PTPRS: variants seen among roughly 807,000 people sequenced by gnomAD.
The protein encoded by PTPRS is protein tyrosine phosphatase receptor type S, also known as receptor-type tyrosine-protein phosphatase S.
In PTPRS, 63 loss-of-function variants were observed where a neutral mutation model predicts 215.3. That is an observed-to-expected ratio of 0.29 (90% CI 0.24 to 0.36). The LOEUF is 0.36. Among genes scored for constraint, PTPRS ranks in the 10% least tolerant of loss-of-function variants. The probability of loss-of-function intolerance (pLI) is 1.00; values close to 1 mark genes in which losing one functional copy is unlikely to be tolerated. For missense variants in PTPRS, 2,258 were observed against 2,825.8 expected (o/e 0.80, Z 4.56); for synonymous variants, 1,404 against 1,191.4 (o/e 1.18, Z -3.68).
At chr19:5,308,752 T>TAA (rs911500407) in intron 1 of PTPRS, among the ~76,000 whole-genome samples, 3 of 152,136 alleles carry the variant, frequency 2.0e-5, no homozygotes, top group African/African-American at 7.2e-5. Flanking sequence ...ATCAGAATCT[T>TAA]AAACAAAAGC....
rs917591501 is a variant in PTPRS, at chr19:5,295,140, C to T, written c.-94-8906G>A. On this transcript the variant is annotated intron_variant, in intron 1 of 37. Coordinates refer to ENST00000262963, the MANE Select transcript of PTPRS (RefSeq NM_002850.4). The surrounding 1 kb of genome is among the most constrained non-coding windows in gnomAD (Gnocchi z 4.6). ...CTCGAGTTTGAATCCAGGGATGCCCCGTGTGTCAAGAAAGCACCCGTACCT... is the reference window on the plus strand; with the variant it reads ...CTCGAGTTTGAATCCAGGGATGCCCTGTGTGTCAAGAAAGCACCCGTACCT... 5.3e-5 allele frequency among the ~76,000 whole-genome samples: 8 copies of T among 152,192 alleles called. No homozygotes were observed. The highest frequency in any genetic ancestry group is 1.3e-4 in the Admixed American group (2 of 15,288).
intron 1 of PTPRS, among the ~76,000 whole-genome samples, chr19:5,331,730 T>A (rs1400831540): frequency 6.6e-6 from 1 of 152,168 alleles, no homozygotes; most frequent in Admixed American, 6.5e-5. Context: ...GAACGAGGGA[T>A]GGAGAAGCAG....
At chr19:5,241,471 A>G (rs544261724) in intron 11 of PTPRS, among the ~76,000 whole-genome samples, 3 of 150,722 alleles carry the variant, frequency 2.0e-5, no homozygotes, top group Non-Finnish European at 3.0e-5. Context: ...TTTTGTACAC[A>G]TGAGGTCTTG....
rs369347670 is a variant in PTPRS at position 5,271,691 on chromosome 19, C to T, written c.379+1751G>A. Among the ~76,000 whole-genome samples the T allele has an allele frequency of 3.6e-4, 55 of 151,014 alleles. 2 individuals carry two copies. In the South Asian group the frequency reaches 0.01, roughly 28 times the overall value. On this transcript the variant is annotated intron_variant, in intron 4 of 37. Transcript: ENST00000262963. Reference sequence around the variant, plus strand: ...GGGATTACCGGCGTGAGCTACCGCGCCCAGCCATTTCATTTTTATTCATTC... The same window carrying T: ...GGGATTACCGGCGTGAGCTACCGCGTCCAGCCATTTCATTTTTATTCATTC...
At position 5,254,552 on chromosome 19, in the gene PTPRS, TGAAAAA is replaced by T. The variant is rs1207104213; in HGVS notation, c.718+1550_718+1555del. ...AGAGACACACAGAGAGAAAGAGAGT[TGAAAAA>T]GAGAAAGAGAAGCAGAGGGAGAGTT... is the stretch of plus-strand genomic sequence containing the variant. On this transcript the variant is annotated intron_variant, in intron 9 of 37. Coordinates refer to ENST00000262963, the MANE Select transcript of PTPRS (RefSeq NM_002850.4). Among the ~76,000 whole-genome samples, 5 of 151,376 alleles carry T rather than the reference TGAAAAA, an allele frequency of 3.3e-5. No homozygotes were observed. In the East Asian group the frequency reaches 9.7e-4, roughly 29 times the overall value.
At chr19:5,228,478 T>G (rs2145587629) in intron 16 of PTPRS, among the ~76,000 whole-genome samples, 1 of 152,000 alleles carries the variant, frequency 6.6e-6, no homozygotes, top group East Asian at 2.0e-4. Flanking sequence ...CCCGAGTAGC[T>G]GGAATTACAG....
intron 1 of PTPRS, among the ~76,000 whole-genome samples, chr19:5,328,973 A>G (rs1355797042): frequency 6.6e-6 from 1 of 152,216 alleles, no homozygotes; most frequent in Non-Finnish European, 1.5e-5. Context: ...CAATGCTGGT[A>G]CACGCAGGCC....
At chr19:5,212,631 G>A in intron 30 of PTPRS, 140 bp from the exon 31 acceptor site, 1 of 966,114 alleles carries the variant, frequency 1.0e-6, no homozygotes. Flanking sequence ...ATCACCTGAG[G>A]TCAGGAGTTC....
Position 5,240,181 on chromosome 19 carries a change from G to A in PTPRS, c.1704+18C>T, listed in dbSNP as rs936073587. ...GGAGGAGCCCAGGGCAGGCCAGCCCGTCCCCGCGCTGCCTCACCTCCCGGC... is the reference window on the plus strand; with the variant it reads ...GGAGGAGCCCAGGGCAGGCCAGCCCATCCCCGCGCTGCCTCACCTCCCGGC... On this transcript the variant is annotated intron_variant, in intron 12 of 37. Transcript: ENST00000262963. 17 of 1,518,776 alleles carry A rather than the reference G, an allele frequency of 1.1e-5. No individual in the cohort carries two copies. Among genetic ancestry groups the A allele is most frequent in the Admixed American group, 8.3e-5 (4 of 48,056 alleles). The allele number at this position is 1,518,776 out of a possible 1,614,324, so 94.1% of individuals were successfully genotyped here.
intron 4 of PTPRS, among the ~76,000 whole-genome samples, chr19:5,266,741 C>A (rs930773904): frequency 6.6e-6 from 1 of 152,140 alleles, no homozygotes; most frequent in East Asian, 1.9e-4. Context: ...AGGAACCCTG[C>A]CTGCTTGCCC....
chr19:5,226,463 G>A (rs1348230024), intron 16 of PTPRS, among the ~76,000 whole-genome samples: 1 of 152,158 alleles, frequency 6.6e-6, no homozygotes, highest in African/African-American at 2.4e-5. Flanking sequence ...GGGCGCAGTG[G>A]CTGACGCCTG....
rs376549612 is a variant in PTPRS at position 5,214,608 on chromosome 19, G to T, written c.4447C>A (p.Arg1483=). 52 of 1,612,622 alleles carry T rather than the reference G, an allele frequency of 3.2e-5. No homozygotes were observed. The highest frequency in any genetic ancestry group is 3.4e-6 in the Non-Finnish European group (4 of 1,179,480). ...GTCATCATGACGATGGTCGCCGACC[G>T]CTGCTCCCACACCATACGCCAGAAG... is the stretch of plus-strand genomic sequence containing the variant. ...GDFWRMVWEQ[R]SATIVMMTRL... The change falls in exon 29 of 38, where the codon CGG becomes AGG. Residue 1483 remains arginine (R), a synonymous_variant. Coordinates refer to ENST00000262963, the MANE Select transcript of PTPRS (RefSeq NM_002850.4).
intron 1 of PTPRS, among the ~76,000 whole-genome samples, chr19:5,335,318 G>A (rs190944329): frequency 5.4e-4 from 82 of 152,330 alleles, no homozygotes; most frequent in East Asian, 2.9e-3. Context: ...CGCAGACTGC[G>A]ACTGTACTGA....
intron 2 of PTPRS, among the ~76,000 whole-genome samples, chr19:5,278,802 G>C (rs942232225): frequency 6.6e-6 from 1 of 151,904 alleles, no homozygotes; most frequent in Admixed American, 6.6e-5. Flanking sequence ...AAACTACTAG[G>C]GTAGGAACAA....
At chr19:5,213,031 C>T (rs912290731) in intron 30 of PTPRS, among the ~76,000 whole-genome samples, 9 of 152,184 alleles carry the variant, frequency 5.9e-5, no homozygotes, top group African/African-American at 2.2e-4. Context: ...CTCCAACCTT[C>T]TGGGCACTCT....
At chr19:5,242,990 A>G (rs541990262) in intron 11 of PTPRS, among the ~76,000 whole-genome samples, 11 of 151,832 alleles carry the variant, frequency 7.2e-5, no homozygotes, top group African/African-American at 2.2e-4. Flanking sequence ...TGGGTCCTAT[A>G]TATGTTTCTT....
chr19:5,220,000 C>T lies in PTPRS; in HGVS notation c.3704G>A (p.Gly1235Asp), dbSNP rs759472181. ...QKQYGGFDNR[G>D]LEPGHRYVLF... ...GACATAGCGGTGGCCGGGCTCCAGG[C>T]CCCGGTTATCGAAGCCGCCATACTG... The change falls in exon 22 of 38, where the codon GGC (glycine) becomes GAC (aspartate). Residue 1235 changes from glycine to aspartate, a missense_variant. This residue lies in a region of PTPRS where 927 missense variants were observed against 1,125.9 expected (regional missense o/e 0.82). Transcript: ENST00000262963. 6.8e-6 allele frequency: 11 copies of T among 1,613,628 alleles called. No individual in the cohort carries two copies. The highest frequency in any genetic ancestry group is 1.7e-5 in the Admixed American group (1 of 60,008).
intron 1 of PTPRS, among the ~76,000 whole-genome samples, chr19:5,303,152 C>G (rs1484611245): frequency 3.3e-5 from 5 of 152,128 alleles, no homozygotes; most frequent in Non-Finnish European, 7.4e-5. Context: ...GTTCTCTTCC[C>G]AAGGGAGCTG....
At chr19:5,263,071 A>C in intron 5 of PTPRS, 99 bp from the exon 6 acceptor site, 1 of 100,650 alleles carries the variant, frequency 9.9e-6, no homozygotes, top group Non-Finnish European at 2.1e-5. Context: ...AGGGCGGGGG[A>C]GGGGAGGGGG....
Sources: gnomAD v4.1 joint callset for allele counts (sites outside exome capture counted in the v4.1 genomes callset) on GRCh38, gnomAD v4.1.1 for gene constraint, gnomAD v4.1.1 regional missense constraint, Gnocchi (gnomAD v3.1) non-coding constraint, MANE v1.5 for transcripts, NCBI Gene and HGNC (gene_info 2026-07-23, HGNC 2026-07-21) for gene names.